The following ERC1 variants were observed in gnomAD, a reference collection of about 807,000 sequenced individuals.
ERC1 encodes RAB6 interacting protein 2.
Under a neutral mutation model 132.0 loss-of-function variants are expected in ERC1, and 56 were observed. The observed-to-expected ratio is 0.42, with a 90% CI of 0.34 to 0.53. The LOEUF is 0.53. Among genes scored for constraint, ERC1 ranks in the 20% least tolerant of loss-of-function variants. ERC1 has a pLI of 0.03. For synonymous variants in ERC1, 478 were observed against 476.1 expected (o/e 1.00, Z -0.05); for missense variants, 1,202 against 1,349.9 (o/e 0.89, Z 1.72).
intron 2 of ERC1, among the ~76,000 whole-genome samples, chr12:1,073,128 C>T (rs528415063): frequency 3.3e-5 from 5 of 152,086 alleles, no homozygotes; most frequent in South Asian, 2.1e-4. Context: ...GGTGAAACCT[C>T]GTCTCTACTA....
intron 15 of ERC1, among the ~76,000 whole-genome samples, chr12:1,337,029 T>C (rs2083375777): frequency 6.6e-6 from 1 of 152,216 alleles, no homozygotes; most frequent in African/African-American, 2.4e-5. Context: ...TTGGCCAGGC[T>C]GATCTCAAAC....
intron 15 of ERC1, among the ~76,000 whole-genome samples, chr12:1,356,555 T>C (rs1354602323): frequency 6.6e-6 from 1 of 152,218 alleles, no homozygotes; most frequent in Non-Finnish European, 1.5e-5. Flanking sequence ...AATAATGCCA[T>C]AGCTAAGGAG....
chr12:1,310,530 A>T (rs933211543), intron 15 of ERC1, among the ~76,000 whole-genome samples: 1 of 152,172 alleles, frequency 6.6e-6, no homozygotes, highest in Non-Finnish European at 1.5e-5. Context: ...GTTCTTGATC[A>T]GTAATTACTG....
At chr12:1,220,210 G>A (rs1297151120) in intron 12 of ERC1, among the ~76,000 whole-genome samples, 1 of 152,082 alleles carries the variant, frequency 6.6e-6, no homozygotes, top group Admixed American at 6.6e-5. Flanking sequence ...TACATTGCTT[G>A]TTTTAATTTT....
At chr12:1,153,893 A>G (rs1204067079) in intron 8 of ERC1, among the ~76,000 whole-genome samples, 1 of 152,042 alleles carries the variant, frequency 6.6e-6, no homozygotes, top group African/African-American at 2.4e-5. Context: ...TTTGTTAATT[A>G]ATAACTTTAT....
chr12:1,484,179 C>T (rs1179943499), intron 18 of ERC1, among the ~76,000 whole-genome samples: 1 of 151,936 alleles, frequency 6.6e-6, no homozygotes, highest in Non-Finnish European at 1.5e-5. Flanking sequence ...GTAGCGGGCA[C>T]CTGTAGTCCC....
chr12:1,004,834 G>A (rs1264980273), intron 1 of ERC1, among the ~76,000 whole-genome samples: 1 of 141,218 alleles, frequency 7.1e-6, no homozygotes, highest in Admixed American at 6.9e-5. Flanking sequence ...GTGTGTGTGT[G>A]TGTGTGTGTG....
At chr12:1,280,970 A>C (rs2078639435) in intron 14 of ERC1, among the ~76,000 whole-genome samples, 1 of 152,182 alleles carries the variant, frequency 6.6e-6, no homozygotes, top group Admixed American at 6.5e-5. Flanking sequence ...ATGTGTGTCT[A>C]ATTAATGAAA....
chr12:1,249,637 A>G (rs2076353875), intron 13 of ERC1, among the ~76,000 whole-genome samples: 1 of 152,192 alleles, frequency 6.6e-6, no homozygotes, highest in Non-Finnish European at 1.5e-5. Context: ...TTTTAATTGT[A>G]TCTATAGATG....
In ERC1 at chr12:1,488,140, GAAAAAAAAAA is replaced by G. The variant is rs34258622; in HGVS notation, c.3214-1940_3214-1931del. On this transcript the variant is annotated intron_variant, in intron 18 of 18. Coordinates refer to ENST00000360905, the MANE Select transcript of ERC1 (RefSeq NM_178040.4). ...GTGACAGAGCGAGACTCACGTCTCA[GAAAAAAAAAA>G]AAAAAAAAAAAAGATAGATGGGGTC... Among the ~76,000 whole-genome samples, 3 of 68,170 alleles carry G rather than the reference GAAAAAAAAAA, an allele frequency of 4.4e-5. No individual in the cohort carries two copies. The South Asian group carries it at 1.7e-3, about 39-fold the overall frequency. 44.7% of individuals were successfully genotyped at this position (68,170 alleles called of 152,430 possible).
intron 17 of ERC1, among the ~76,000 whole-genome samples, chr12:1,440,342 C>T (rs1268165086): frequency 4.0e-5 from 6 of 148,474 alleles, no homozygotes; most frequent in East Asian, 2.0e-4. Context: ...GTAGCTGGGA[C>T]TACAGACGCC....
chr12:1,425,621 T>C (rs1012884381), intron 17 of ERC1, among the ~76,000 whole-genome samples: 1 of 152,250 alleles, frequency 6.6e-6, no homozygotes, highest in South Asian at 2.1e-4. Flanking sequence ...ACAGAATGAC[T>C]GTGAGACAAT....
chr12:1,485,741 TA>T (rs35435809), intron 18 of ERC1, among the ~76,000 whole-genome samples: 57,942 of 151,778 alleles, frequency 0.38, 11,410 homozygotes, highest in Middle Eastern at 0.46. Context: ...TCTGTCTCTA[TA>T]CAGACATTTT....
chr12:1,121,885 C>T, intron 7 of ERC1, among the ~76,000 whole-genome samples: 1 of 13,310 alleles, frequency 7.5e-5, no homozygotes, highest in African/African-American at 1.6e-4. Context: ...CTATCTGTGT[C>T]TCTATCTCTA....
chr12:1,067,536 A>T (rs1008438895), intron 2 of ERC1, among the ~76,000 whole-genome samples: 3 of 152,206 alleles, frequency 2.0e-5, no homozygotes, highest in African/African-American at 4.8e-5. Context: ...TGCTGATGGA[A>T]GTGGATCTCT....
At position 1,297,378 on chromosome 12, in the gene ERC1, G is replaced by A. The variant is rs144241183; in HGVS notation, c.2780+7366G>A. The stretch of plus-strand genomic sequence containing the variant: ...AGCTGAAGGGAAATGAATCCAGATG[G>A]GAGCATGAATCTACAGGAAGGAATG... On this transcript the variant is annotated intron_variant, in intron 15 of 18. Transcript: ENST00000360905. Among the ~76,000 whole-genome samples the A allele has an allele frequency of 1.8e-3, 276 of 151,824 alleles. 1 individual carries two copies. The highest frequency in any genetic ancestry group is 3.3e-3 in the Non-Finnish European group (222 of 67,944).
At chr12:1,418,672 T>C (rs1194975425) in intron 17 of ERC1, among the ~76,000 whole-genome samples, 37 of 73,626 alleles carry the variant, frequency 5.0e-4, no homozygotes, top group Middle Eastern at 6.4e-3. Flanking sequence ...TTTCTTTTCT[T>C]TCTTTCTTTC....
At chr12:1,147,675 A>G (rs1337826264) in intron 8 of ERC1, among the ~76,000 whole-genome samples, 11 of 152,200 alleles carry the variant, frequency 7.2e-5, no homozygotes, top group Admixed American at 6.5e-4. Context: ...GTAGGATATT[A>G]TTAGTAAAAT....
intron 18 of ERC1, among the ~76,000 whole-genome samples, chr12:1,478,006 G>T (rs1476954426): frequency 6.6e-6 from 1 of 152,198 alleles, no homozygotes; most frequent in Non-Finnish European, 1.5e-5. Context: ...TTATCATTCA[G>T]TATGGACATT....
Sources: gnomAD v4.1 joint callset for allele counts (sites outside exome capture counted in the v4.1 genomes callset) on GRCh38, gnomAD v4.1.1 for gene constraint, MANE v1.5 for transcripts, NCBI Gene and HGNC (gene_info 2026-07-23, HGNC 2026-07-21) for gene names.